Variants in ITGA6 observed in about 807,000 individuals in gnomAD.
The protein encoded by ITGA6 is integrin subunit alpha 6, also known as integrin alpha-6.
In ITGA6, 63 loss-of-function variants were observed where a neutral mutation model predicts 133.6. The ratio of observed to expected loss-of-function variants is 0.47; its 90% CI spans 0.38 to 0.58. The LOEUF (loss-of-function observed/expected upper bound fraction) is 0.58. Ranked by LOEUF, ITGA6 falls within the 20% of genes least tolerant of loss-of-function variation. ITGA6 has a pLI of 0.00. For missense variants in ITGA6, 1,068 were observed against 1,309.4 expected (o/e 0.82, Z 2.85); for synonymous variants, 434 against 482.0 (o/e 0.90, Z 1.30).
intron 1 of ITGA6, among the ~76,000 whole-genome samples, chr2:172,434,298 C>G (rs1472407822): frequency 6.6e-6 from 1 of 152,130 alleles, no homozygotes; most frequent in Non-Finnish European, 1.5e-5. Flanking sequence ...TTAATTAGCC[C>G]TGAACTGGGG....
chr2:172,480,512 C>T (rs1023333982), intron 11 of ITGA6, among the ~76,000 whole-genome samples: 11 of 152,212 alleles, frequency 7.2e-5, no homozygotes, highest in South Asian at 2.1e-4. Context: ...CCCTCCCTCC[C>T]GGAACACCCG....
intron 1 of ITGA6, among the ~76,000 whole-genome samples, chr2:172,431,179 C>T (rs1368805430): frequency 1.3e-5 from 2 of 152,146 alleles, no homozygotes; most frequent in Non-Finnish European, 2.9e-5. Flanking sequence ...TTGTCATGTT[C>T]CATCTCTTAA....
chr2:172,469,169 G>A lies in ITGA6; in HGVS notation c.432G>A (p.Lys144=). The A allele has an allele frequency of 6.2e-7, 1 of 1,614,144 alleles. No homozygotes were observed. Among genetic ancestry groups the A allele is most frequent in the Non-Finnish European group, 8.5e-7 (1 of 1,180,004 alleles). The change falls in exon 4 of 26, where the codon AAG becomes AAA. Residue 144 remains lysine (K), a synonymous_variant. Transcript: ENST00000684293. ...RYEKRQHVNT[K]QESRDIFGRC... ...AAAAAAGGCAGCATGTTAATACGAAGCAGGAATCCCGAGACATCTTTGGGC... is the reference window on the plus strand; with the variant it reads ...AAAAAAGGCAGCATGTTAATACGAAACAGGAATCCCGAGACATCTTTGGGC...
In ITGA6 at chr2:172,444,928, G is replaced by C. The variant is rs1377076971; in HGVS notation, c.182+16958G>C. On this transcript the variant is annotated intron_variant, in intron 1 of 25. Transcript: ENST00000684293. ...GTGCAGGAATGGAGTATTAAACAAT[G>C]TAAGCGTTTAGGCATATAACTTGAT... 1.3e-5 allele frequency among the ~76,000 whole-genome samples: 2 copies of C among 151,798 alleles called. 1 individual carries two copies. Among genetic ancestry groups the C allele is most frequent in the African/African-American group, 4.8e-5 (2 of 41,360 alleles).
At chr2:172,444,981 G>C (rs1684700073) in intron 1 of ITGA6, among the ~76,000 whole-genome samples, 2 of 151,756 alleles carry the variant, frequency 1.3e-5, no homozygotes, top group South Asian at 2.1e-4. Flanking sequence ...GTTTTGTTTT[G>C]TTTTGAGAGA....
At chr2:172,450,879 A>ATATATTTATATACAAATATATATT (rs1165146927) in intron 1 of ITGA6, among the ~76,000 whole-genome samples, 3,366 of 146,778 alleles carry the variant, frequency 0.023, 118 homozygotes, top group African/African-American at 0.078. Flanking sequence ...AAATATATTT[A>ATATATTTATATACAAATATATATT]TATATTTATA....
At chr2:172,429,097 G>A (rs1198816457) in intron 1 of ITGA6, among the ~76,000 whole-genome samples, 1 of 152,122 alleles carries the variant, frequency 6.6e-6, no homozygotes, top group Admixed American at 6.5e-5. Flanking sequence ...TGGGATTTTA[G>A]AACTGGAGGA....
At chr2:172,484,591 C>T (rs189744684) in intron 11 of ITGA6, among the ~76,000 whole-genome samples, 191 bp from the exon 12 acceptor site, 74 of 152,254 alleles carry the variant, frequency 4.9e-4, no homozygotes, top group Non-Finnish European at 7.3e-4. Context: ...ACATTGTTAA[C>T]AGCAAAAGGA....
chr2:172,454,304 A>G (rs904560750), intron 1 of ITGA6, among the ~76,000 whole-genome samples: 11 of 151,916 alleles, frequency 7.2e-5, no homozygotes, highest in Admixed American at 7.2e-4. Context: ...GGATGGTCTC[A>G]ATCTCCTGAC....
chr2:172,435,564 T>G (rs563352442), intron 1 of ITGA6, among the ~76,000 whole-genome samples: 1 of 151,736 alleles, frequency 6.6e-6, no homozygotes, highest in East Asian at 1.9e-4. Flanking sequence ...ACCTGTTGAT[T>G]GGACCTAAGG....
intron 11 of ITGA6, among the ~76,000 whole-genome samples, chr2:172,483,610 C>T (rs552190382): frequency 2.0e-5 from 3 of 152,102 alleles, no homozygotes; most frequent in South Asian, 4.2e-4. Flanking sequence ...ACAAAGAATG[C>T]GTTCTGAAGT....
intron 1 of ITGA6, among the ~76,000 whole-genome samples, chr2:172,450,771 A>G (rs1684953664): frequency 1.3e-5 from 2 of 150,500 alleles, no homozygotes; most frequent in South Asian, 4.2e-4. Context: ...CCTGGCCAAC[A>G]TGGCGGAACC....
In ITGA6 at chr2:172,445,911, T is replaced by C. The variant is rs537931609; in HGVS notation, c.182+17941T>C. On this transcript the variant is annotated intron_variant, in intron 1 of 25. Transcript: ENST00000684293. The stretch of plus-strand genomic sequence containing the variant: ...CATGCCATCTTCTAAGGAAAATTAT[T>C]GGAAGCAGCAGTGTGATGCTTTGTC... 1.2e-4 allele frequency among the ~76,000 whole-genome samples: 18 copies of C among 152,324 alleles called. No individual in the cohort carries two copies. In the East Asian group the frequency reaches 3.5e-3, roughly 29 times the overall value.
At chr2:172,477,799 A>T (rs541530174) in intron 9 of ITGA6, among the ~76,000 whole-genome samples, 1 of 152,316 alleles carries the variant, frequency 6.6e-6, no homozygotes, top group South Asian at 2.1e-4. Context: ...ACTTGGCTTG[A>T]GCTTTTAAGG....
chr2:172,504,482 T>G lies in ITGA6; in HGVS notation c.*414T>G, dbSNP rs562683262. The G allele has an allele frequency of 7.8e-6, 3 of 386,746 alleles. No individual in the cohort carries two copies. Among genetic ancestry groups the G allele is most frequent in the Admixed American group, 4.3e-5 (1 of 23,392 alleles). 24.0% of individuals were successfully genotyped at this position (386,746 alleles called of 1,614,324 possible). On this transcript the variant is annotated 3_prime_UTR_variant, in exon 26 of 26. Coordinates refer to ENST00000684293, the MANE Select transcript of ITGA6 (RefSeq NM_000210.4). ...TGGATTTTTCTTTAACTGCCGTAAT[T>G]TAACTTTCTGGGTTGCCTTTATTTT...
Position 172,491,968 on chromosome 2 carries a change from C to A in ITGA6, c.2988+445C>A, listed in dbSNP as rs1016960914. ...CCCTCAAACAAGTCTAAAATAAGTT[C>A]TCTCTCTTGGCCATGTAGCAGCCTC... is the stretch of plus-strand genomic sequence containing the variant. On this transcript the variant is annotated intron_variant, in intron 23 of 25. Transcript: ENST00000684293. This position sits in a 1 kb window ranked among gnomAD's most constrained non-coding sequence, Gnocchi z 4.4. Among the ~76,000 whole-genome samples, 1 of 152,200 alleles carries A rather than the reference C, an allele frequency of 6.6e-6. No individual in the cohort carries two copies.
chr2:172,440,392 TTGTGG>T (rs1684491318), intron 1 of ITGA6, among the ~76,000 whole-genome samples: 3 of 152,152 alleles, frequency 2.0e-5, no homozygotes, highest in Non-Finnish European at 2.9e-5. Flanking sequence ...TGAAAAAAAA[TTGTGG>T]TAAAATATAC....
intron 1 of ITGA6, among the ~76,000 whole-genome samples, chr2:172,446,332 A>C (rs1684766568): frequency 6.6e-6 from 1 of 152,238 alleles, no homozygotes; most frequent in Non-Finnish European, 1.5e-5. Context: ...TCCTTTGCAG[A>C]TGAACTATTT....
At chr2:172,477,910 A>G (rs1246354722) in intron 9 of ITGA6, among the ~76,000 whole-genome samples, 3 of 152,186 alleles carry the variant, frequency 2.0e-5, no homozygotes, top group African/African-American at 7.2e-5. Context: ...GTAGTTAGTA[A>G]ATAAACACCA....
Sources: allele counts gnomAD v4.1 joint callset (sites outside exome capture counted in the v4.1 genomes callset), GRCh38; gene constraint gnomAD v4.1.1; non-coding constraint Gnocchi (gnomAD v3.1); transcripts MANE v1.5; gene names NCBI Gene and HGNC (gene_info 2026-07-23, HGNC 2026-07-21).